Variants in GPR15LG observed in about 807,000 individuals in gnomAD.
The protein encoded by GPR15LG is G protein-coupled receptor 15 ligand, also known as protein GPR15LG.
the GPR15LG span, among the ~76,000 whole-genome samples, chr10:84,176,886 G>A: frequency 1.3e-5 from 2 of 152,184 alleles, no homozygotes; most frequent in African/African-American, 2.4e-5. Context: ...CCAGGAGCCT[G>A]GCTGAGGACT....
chr10:84,174,865 TA>T, the GPR15LG span, among the ~76,000 whole-genome samples: 1 of 152,212 alleles, frequency 6.6e-6, no homozygotes, highest in Non-Finnish European at 1.5e-5. Context: ...TGCCTACATT[TA>T]TTTTTTGTTT....
At chr10:84,176,421 A>G in the GPR15LG span, 1 of 1,210,644 alleles carries the variant, frequency 8.3e-7, no homozygotes, top group Non-Finnish European at 1.2e-6. Context: ...TGGAAGGGGA[A>G]GCTCACTCAC....
chr10:84,175,844 T>G, the GPR15LG span, among the ~76,000 whole-genome samples: 1 of 152,104 alleles, frequency 6.6e-6, no homozygotes, highest in South Asian at 2.1e-4. Context: ...AAGGTATATA[T>G]GTACATAAAG....
the GPR15LG span, among the ~76,000 whole-genome samples, chr10:84,183,834 C>T: frequency 9.9e-5 from 15 of 151,940 alleles, no homozygotes; most frequent in East Asian, 5.8e-4. Context: ...TTGGTAGAGA[C>T]GGCATTTCAT....
At chr10:84,174,407 G>A in the GPR15LG span, among the ~76,000 whole-genome samples, 1 of 151,842 alleles carries the variant, frequency 6.6e-6, no homozygotes, top group South Asian at 2.1e-4. Context: ...GGGAGGTGGG[G>A]TATGTTTATG....
At chr10:84,183,538 G>A in the GPR15LG span, among the ~76,000 whole-genome samples, 93 of 152,014 alleles carry the variant, frequency 6.1e-4, no homozygotes, top group African/African-American at 2.0e-3. Flanking sequence ...AACTTAAGTC[G>A]GAATCATTTT....
the GPR15LG span, chr10:84,173,949 C>T: frequency 2.5e-5 from 38 of 1,540,846 alleles, no homozygotes; most frequent in Non-Finnish European, 3.2e-5. Context: ...GTGCAGATCC[C>T]TGAGCAGGAT....
chr10:84,179,020 A>G, the GPR15LG span, among the ~76,000 whole-genome samples: 57 of 152,322 alleles, frequency 3.7e-4, no homozygotes, highest in African/African-American at 1.4e-3. Flanking sequence ...CCACTACAAC[A>G]AACTGCTTCC....
At chr10:84,175,982 G>A in the GPR15LG span, among the ~76,000 whole-genome samples, 12 of 151,822 alleles carry the variant, frequency 7.9e-5, no homozygotes, top group Admixed American at 2.0e-4. Context: ...TCCGCCTCCC[G>A]GGTTCAAGTG....
chr10:84,184,837 G>A, the GPR15LG span: 13 of 1,595,544 alleles, frequency 8.1e-6, no homozygotes, highest in African/African-American at 1.4e-5. Context: ...GCAGCCTCCT[G>A]TCTCCCCTTT....
chr10:84,179,558 T>C, the GPR15LG span, among the ~76,000 whole-genome samples: 1 of 152,370 alleles, frequency 6.6e-6, no homozygotes, highest in African/African-American at 2.4e-5. Context: ...TGGCCTCGTG[T>C]GCTCCAGTTC....
chr10:84,175,317 C>T, the GPR15LG span, among the ~76,000 whole-genome samples: 1 of 152,158 alleles, frequency 6.6e-6, no homozygotes, highest in East Asian at 1.9e-4. Flanking sequence ...TGGAGGTTGC[C>T]AGTGATACCC....
the GPR15LG span, chr10:84,176,576 AC>A: frequency 1.9e-6 from 3 of 1,609,110 alleles, no homozygotes; most frequent in Non-Finnish European, 1.7e-6. Context: ...AAAGGTAAGT[AC>A]CCCCACCTCG....
chr10:84,174,389 G>T, the GPR15LG span, among the ~76,000 whole-genome samples: 74 of 152,134 alleles, frequency 4.9e-4, 1 homozygote, highest in African/African-American at 1.6e-3. Flanking sequence ...ATGAAGGTGT[G>T]TGTGGTAGGG....
the GPR15LG span, among the ~76,000 whole-genome samples, chr10:84,182,583 G>T: frequency 1.3e-5 from 2 of 152,216 alleles, no homozygotes; most frequent in Non-Finnish European, 2.9e-5. Context: ...AGCCCAGACT[G>T]TTCACGTGGT....
chr10:84,184,769 C>G, the GPR15LG span: 6 of 1,613,810 alleles, frequency 3.7e-6, no homozygotes, highest in East Asian at 6.7e-5. Flanking sequence ...AGGTGTAGCA[C>G]TCCCAAAGCA....
chr10:84,178,479 C>T, the GPR15LG span, among the ~76,000 whole-genome samples: 2 of 151,946 alleles, frequency 1.3e-5, no homozygotes, highest in Non-Finnish European at 2.9e-5. Flanking sequence ...CAACACTACA[C>T]AACTATACAC....
the GPR15LG span, among the ~76,000 whole-genome samples, chr10:84,183,653 T>A: frequency 6.6e-6 from 1 of 151,926 alleles, no homozygotes; most frequent in African/African-American, 2.4e-5. Flanking sequence ...GTTTATTATT[T>A]ATTTTTTTTT....
chr10:84,174,452 A>G, the GPR15LG span, among the ~76,000 whole-genome samples: 7 of 149,022 alleles, frequency 4.7e-5, no homozygotes, highest in South Asian at 6.5e-4. Flanking sequence ...TTTTACCTCT[A>G]TAGATATGAA....
Sources: gnomAD v4.1 joint callset for allele counts (sites outside exome capture counted in the v4.1 genomes callset) on GRCh38, gnomAD v4.1.1 for gene constraint, MANE v1.5 for transcripts, NCBI Gene and HGNC (gene_info 2026-07-23, HGNC 2026-07-21) for gene names.